The following TCF12 variants were observed in gnomAD, a reference collection of about 807,000 sequenced individuals.
The protein encoded by TCF12 is transcription factor 12, also known as DNA-binding protein HTF4.
A neutral mutation model predicts 86.0 loss-of-function variants in TCF12; 45 were observed. The ratio of observed to expected loss-of-function variants is 0.52; its 90% confidence interval spans 0.41 to 0.67. TCF12 has a LOEUF of 0.67. Among genes scored for constraint, TCF12 ranks in the 30% least tolerant of loss-of-function variants. The pLI is 0.00. For missense variants in TCF12, 881 were observed against 859.9 expected (o/e 1.02, Z -0.31); for synonymous variants, 330 against 299.6 (o/e 1.10, Z -1.05).
intron 3 of TCF12, among the ~76,000 whole-genome samples, chr15:56,948,497 A>G (rs938745532): frequency 1.3e-5 from 2 of 152,184 alleles, no homozygotes; most frequent in Non-Finnish European, 2.9e-5. Context: ...GCCTCAGGGA[A>G]ATCTTTGTAT....
At chr15:56,933,877 T>C (rs1243762750) in intron 3 of TCF12, among the ~76,000 whole-genome samples, 1 of 151,856 alleles carries the variant, frequency 6.6e-6, no homozygotes, top group African/African-American at 2.4e-5. Context: ...CTTATAATTT[T>C]TAATATGTAA....
At position 57,170,668 on chromosome 15, in the gene TCF12, T is replaced by TA. The variant is rs1217949945; in HGVS notation, c.390+4203dup. Among the ~76,000 whole-genome samples the TA allele has an allele frequency of 6.5e-3, 99 of 15,140 alleles. 2 individuals carry two copies. The highest frequency in any genetic ancestry group is 0.01 in the African/African-American group (35 of 3,348). The allele number at this position is 15,140 out of a possible 152,430, so 9.9% of individuals were successfully genotyped here. A position where few individuals can be genotyped will look rare whatever the true frequency, so the allele number is the denominator to read the frequency against. ...ATATATATATTATATAAAATATATA[T>TA]ATATATAATATATTATATATAATAT... On this transcript the variant is annotated intron_variant, in intron 6 of 20. Transcript: ENST00000333725.
At chr15:57,116,042 C>G (rs2050812467) in intron 5 of TCF12, among the ~76,000 whole-genome samples, 1 of 152,064 alleles carries the variant, frequency 6.6e-6, no homozygotes, top group African/African-American at 2.4e-5. Flanking sequence ...ATAACATTGC[C>G]TCATTTTATC....
chr15:57,199,017 A>G (rs1189394183), intron 8 of TCF12, among the ~76,000 whole-genome samples: 1 of 152,174 alleles, frequency 6.6e-6, no homozygotes, highest in African/African-American at 2.4e-5. Context: ...TCAGTTCCAG[A>G]TGGATCTGAG....
At chr15:57,033,128 C>G (rs1331732189) in intron 3 of TCF12, among the ~76,000 whole-genome samples, 2 of 151,372 alleles carry the variant, frequency 1.3e-5, no homozygotes, top group African/African-American at 4.9e-5. Flanking sequence ...TCAATCTGAA[C>G]AATAAAGAGA....
chr15:57,093,017 A>C (rs1210224062), intron 5 of TCF12, among the ~76,000 whole-genome samples: 1 of 152,180 alleles, frequency 6.6e-6, no homozygotes, highest in Non-Finnish European at 1.5e-5. Context: ...GATTTTGCCG[A>C]AGGCGGTTGA....
chr15:57,238,368 G>A (rs1422800510), intron 12 of TCF12, among the ~76,000 whole-genome samples: 2 of 152,160 alleles, frequency 1.3e-5, no homozygotes, highest in Non-Finnish European at 2.9e-5. Context: ...TTGTTTAAGT[G>A]TAAGGACAGA....
At chr15:57,078,641 A>G (rs1452070322) in intron 4 of TCF12, among the ~76,000 whole-genome samples, 4 of 152,180 alleles carry the variant, frequency 2.6e-5, no homozygotes, top group African/African-American at 9.7e-5. Context: ...CTTTAATTTC[A>G]TTAATAACTA....
At chr15:57,230,734 A>C (rs928909860) in intron 8 of TCF12, among the ~76,000 whole-genome samples, 21 of 152,026 alleles carry the variant, frequency 1.4e-4, no homozygotes, top group Admixed American at 1.3e-3. Flanking sequence ...TATTTGGTGA[A>C]TCTTGTAACA....
At chr15:56,992,356 T>C (rs1259389265) in intron 3 of TCF12, among the ~76,000 whole-genome samples, 2 of 152,240 alleles carry the variant, frequency 1.3e-5, no homozygotes, top group African/African-American at 4.8e-5. Flanking sequence ...TCTTTCTGCT[T>C]TTAATTTTTT....
intron 19 of TCF12, among the ~76,000 whole-genome samples, chr15:57,280,877 G>C (rs1008475004): frequency 6.6e-6 from 1 of 151,942 alleles, no homozygotes; most frequent in Non-Finnish European, 1.5e-5. Context: ...TATTCATTAG[G>C]GCATTTTTAA....
At chr15:57,013,403 C>T (rs554363278) in intron 3 of TCF12, among the ~76,000 whole-genome samples, 18 of 152,266 alleles carry the variant, frequency 1.2e-4, no homozygotes, top group African/African-American at 4.1e-4. Flanking sequence ...CTCCACTTCC[C>T]AGGTTTAAGC....
intron 13 of TCF12, among the ~76,000 whole-genome samples, chr15:57,248,458 A>C (rs1389201266): frequency 6.6e-6 from 1 of 152,248 alleles, no homozygotes; most frequent in African/African-American, 2.4e-5. Context: ...TTGGAAGGCA[A>C]ACAAGCAAAG....
intron 5 of TCF12, among the ~76,000 whole-genome samples, chr15:57,147,057 T>C (rs2053410723): frequency 6.6e-6 from 1 of 152,206 alleles, no homozygotes; most frequent in African/African-American, 2.4e-5. Context: ...AGCTGGAGAA[T>C]GGATATTCTA....
chr15:57,169,532 G>C (rs938942319), intron 6 of TCF12, among the ~76,000 whole-genome samples: 60 of 152,092 alleles, frequency 3.9e-4, no homozygotes, highest in African/African-American at 1.3e-3. Flanking sequence ...AACTGTATGG[G>C]CTTATGAAAA....
At chr15:57,014,027 G>C (rs2064998306) in intron 3 of TCF12, among the ~76,000 whole-genome samples, 1 of 152,120 alleles carries the variant, frequency 6.6e-6, no homozygotes, top group Non-Finnish European at 1.5e-5. Flanking sequence ...TTTCAGACTT[G>C]TGGCTCCTGC....
intron 5 of TCF12, among the ~76,000 whole-genome samples, chr15:57,113,873 T>C (rs2050665199): frequency 6.6e-6 from 1 of 151,868 alleles, no homozygotes; most frequent in Admixed American, 6.6e-5. Flanking sequence ...GGAGGATAGC[T>C]TGAGCCCAGG....
chr15:57,028,467 G>A (rs1225612842), intron 3 of TCF12, among the ~76,000 whole-genome samples: 1 of 152,132 alleles, frequency 6.6e-6, no homozygotes, highest in African/African-American at 2.4e-5. Flanking sequence ...GATGTTTGAC[G>A]ATGTTGGACA....
In TCF12 at chr15:57,216,892, T is replaced by C. The variant is rs997035535; in HGVS notation, c.580-14260T>C. Among the ~76,000 whole-genome samples, 6 of 152,228 alleles carry C rather than the reference T, an allele frequency of 3.9e-5. No homozygotes were observed. The South Asian group carries it at 1.0e-3, about 26-fold the overall frequency. On this transcript the variant is annotated intron_variant, in intron 8 of 20. Transcript: ENST00000333725. ...TTTTCCATAGCATACAAGTAGAATA[T>C]AGGGGCATTTTATGTAGATTACCAC...
Sources: gnomAD v4.1 joint callset for allele counts (sites outside exome capture counted in the v4.1 genomes callset) on GRCh38, gnomAD v4.1.1 for gene constraint, MANE v1.5 for transcripts, NCBI Gene and HGNC (gene_info 2026-07-23, HGNC 2026-07-21) for gene names.